WWOX: variants seen among roughly 807,000 people sequenced by gnomAD.
WWOX encodes WW domain-containing oxidoreductase.
In WWOX, 69 loss-of-function variants were observed where a neutral mutation model predicts 46.2. That is an observed-to-expected ratio of 1.49 (90% confidence interval 1.23 to 1.82). WWOX has a LOEUF of 1.82. WWOX is among the 40% of genes most tolerant of loss of function. WWOX has a pLI of 0.00. For missense variants in WWOX, 919 were observed against 542.6 expected (o/e 1.69, Z -6.89); for synonymous variants, 359 against 202.6 (o/e 1.77, Z -6.56).
At chr16:78,506,216 T>C (rs1265921519) in intron 8 of WWOX, among the ~76,000 whole-genome samples, 3 of 152,208 alleles carry the variant, frequency 2.0e-5, no homozygotes, top group Non-Finnish European at 4.4e-5. Context: ...GGCCTCTTCG[T>C]TCTCCCTGTG....
chr16:78,406,327 TA>T lies in WWOX; in HGVS notation c.606-18542del, dbSNP rs2082538644. 3.4e-4 allele frequency among the ~76,000 whole-genome samples: 29 copies of T among 86,136 alleles called. 3 individuals carry two copies. The highest frequency in any genetic ancestry group is 3.3e-3 in the African/African-American group (25 of 7,660). 56.5% of individuals were successfully genotyped at this position (86,136 alleles called of 152,430 possible). ...AAATATATATATATATATATATATA[TA>T]TATATATATATATATATATATATAT... is the stretch of plus-strand genomic sequence containing the variant. On this transcript the variant is annotated intron_variant, in intron 6 of 8. Transcript: ENST00000566780.
intron 5 of WWOX, among the ~76,000 whole-genome samples, chr16:78,166,130 A>C (rs766964584): frequency 3.6e-4 from 55 of 152,110 alleles, no homozygotes; most frequent in African/African-American, 8.9e-4. Context: ...AAGGTTATCT[A>C]TATACCAGCA....
intron 8 of WWOX, among the ~76,000 whole-genome samples, chr16:78,601,564 C>G (rs1270403478): frequency 6.6e-6 from 1 of 152,162 alleles, no homozygotes; most frequent in African/African-American, 2.4e-5. Flanking sequence ...TATATAAGCA[C>G]TTTCCGTTAA....
intron 8 of WWOX, among the ~76,000 whole-genome samples, chr16:78,741,980 C>T (rs1301657126): frequency 6.6e-6 from 1 of 152,096 alleles, no homozygotes; most frequent in Non-Finnish European, 1.5e-5. Flanking sequence ...TGTCTCTCTC[C>T]CTCCTTACCT....
In WWOX at chr16:79,181,773, G is replaced by A. The variant is rs115312790; in HGVS notation, c.1057-29835G>A. Among the ~76,000 whole-genome samples, 659 of 152,170 alleles carry A rather than the reference G, an allele frequency of 4.3e-3. 3 individuals carry two copies. Among genetic ancestry groups the A allele is most frequent in the African/African-American group, 0.015 (625 of 41,496 alleles). ...CTGGGTCGGAGGTCACAAATGGAGA[G>A]GTCTTTTAAATCTCAGCCTGCAAAC... On this transcript the variant is annotated intron_variant, in intron 8 of 8. Coordinates refer to ENST00000566780, the MANE Select transcript of WWOX (RefSeq NM_016373.4).
chr16:78,189,147 C>G (rs2035801581), intron 5 of WWOX, among the ~76,000 whole-genome samples: 1 of 152,098 alleles, frequency 6.6e-6, no homozygotes, highest in Non-Finnish European at 1.5e-5. Context: ...CTGAGCCAAG[C>G]CAGAAACTGG....
At chr16:78,633,096 C>G (rs979394042) in intron 8 of WWOX, among the ~76,000 whole-genome samples, 1 of 152,018 alleles carries the variant, frequency 6.6e-6, no homozygotes, top group African/African-American at 2.4e-5. Flanking sequence ...AACCCTGTCT[C>G]TACTACAAAT....
chr16:79,013,552 G>A (rs1357125363), intron 8 of WWOX, among the ~76,000 whole-genome samples: 4 of 152,152 alleles, frequency 2.6e-5, no homozygotes, highest in Non-Finnish European at 5.9e-5. Flanking sequence ...CACACACAAT[G>A]ATGGCCAGAG....
chr16:78,905,545 T>C (rs2044940297), intron 8 of WWOX, among the ~76,000 whole-genome samples: 1 of 152,060 alleles, frequency 6.6e-6, no homozygotes, highest in Non-Finnish European at 1.5e-5. Flanking sequence ...CCACACCTAG[T>C]TAATTTTTTA....
At chr16:78,384,584 G>T (rs751615319) in intron 5 of WWOX, among the ~76,000 whole-genome samples, 5 of 152,068 alleles carry the variant, frequency 3.3e-5, no homozygotes, top group Admixed American at 6.6e-5. Flanking sequence ...GGGGGATGTG[G>T]CGTCACCTTA....
intron 5 of WWOX, among the ~76,000 whole-genome samples, chr16:78,248,761 C>T (rs996628153): frequency 1.3e-5 from 2 of 151,234 alleles, no homozygotes; most frequent in African/African-American, 2.4e-5. Flanking sequence ...AAATTTGACA[C>T]GAAATTTGGT....
intron 8 of WWOX, among the ~76,000 whole-genome samples, chr16:78,995,297 C>T (rs554739114): frequency 6.6e-6 from 1 of 152,210 alleles, no homozygotes; most frequent in Admixed American, 6.5e-5. Flanking sequence ...TGCATCGCGG[C>T]CAGTCTGCCC....
At chr16:79,049,515 T>C (rs896225787) in intron 8 of WWOX, among the ~76,000 whole-genome samples, 2 of 152,070 alleles carry the variant, frequency 1.3e-5, no homozygotes, top group East Asian at 3.9e-4. Flanking sequence ...CAAGCCCAGA[T>C]GGCATTGTTG....
At chr16:78,659,085 C>T (rs1016851733) in intron 8 of WWOX, among the ~76,000 whole-genome samples, 8 of 149,596 alleles carry the variant, frequency 5.3e-5, no homozygotes, top group African/African-American at 1.7e-4. Context: ...GAGTGAGAAT[C>T]CGTCTCAAAA....
At chr16:79,159,615 C>T (rs1441211845) in intron 8 of WWOX, among the ~76,000 whole-genome samples, 2 of 152,084 alleles carry the variant, frequency 1.3e-5, no homozygotes, top group Non-Finnish European at 1.5e-5. Context: ...CTGATGAGTC[C>T]CCCAGAGATT....
At chr16:78,198,533 C>T (rs907448024) in intron 5 of WWOX, among the ~76,000 whole-genome samples, 2 of 152,142 alleles carry the variant, frequency 1.3e-5, no homozygotes, top group African/African-American at 4.8e-5. Context: ...ATGTTGGCTG[C>T]AGGGATGAAC....
At chr16:78,197,682 C>A (rs1035130289) in intron 5 of WWOX, among the ~76,000 whole-genome samples, 1 of 152,082 alleles carries the variant, frequency 6.6e-6, no homozygotes, top group Non-Finnish European at 1.5e-5. Flanking sequence ...GCATGCCAAA[C>A]GTTTATAGAC....
chr16:78,864,569 C>T (rs547381261), intron 8 of WWOX, among the ~76,000 whole-genome samples: 2 of 151,878 alleles, frequency 1.3e-5, no homozygotes, highest in South Asian at 4.2e-4. Flanking sequence ...GCACCCAGCC[C>T]TGGATTTGGC....
chr16:78,972,724 A>C (rs778164088), intron 8 of WWOX, among the ~76,000 whole-genome samples: 7 of 152,190 alleles, frequency 4.6e-5, no homozygotes, highest in Non-Finnish European at 1.0e-4. Flanking sequence ...AGGTCACCCA[A>C]GACTCCCACT....
Sources: allele counts gnomAD v4.1 joint callset (sites outside exome capture counted in the v4.1 genomes callset), GRCh38; gene constraint gnomAD v4.1.1; transcripts MANE v1.5; gene names NCBI Gene and HGNC (gene_info 2026-07-23, HGNC 2026-07-21).